The following SEM1 variants were observed in gnomAD, a reference collection of about 807,000 sequenced individuals.
The protein encoded by SEM1 is SEM1 26S proteasome subunit, also known as 26S proteasome complex subunit SEM1.
A neutral mutation model predicts 12.7 loss-of-function variants in SEM1; 3 were observed. The ratio of observed to expected loss-of-function variants is 0.24; its 90% CI spans 0.11 to 0.61. The LOEUF is 0.61. Ranked by LOEUF, SEM1 falls within the 20% of genes least tolerant of loss-of-function variation. The pLI is 0.88. For synonymous variants in SEM1, 30 were observed against 27.8 expected, an observed-to-expected ratio of 1.08 and a Z score of -0.25; for missense variants, 59 against 81.3, an observed-to-expected ratio of 0.73 and a Z score of 1.06.
At chr7:96,597,788 T>C (rs1393589301) in intron 2 of SEM1, among the ~76,000 whole-genome samples, 1 of 152,030 alleles carries the variant, frequency 6.6e-6, no homozygotes, top group Non-Finnish European at 1.5e-5. Flanking sequence ...CTCACTCTTG[T>C]ACCCAATCCA....
intron 2 of SEM1, among the ~76,000 whole-genome samples, chr7:96,676,744 C>A (rs1789458846): frequency 6.6e-6 from 1 of 152,148 alleles, no homozygotes; most frequent in Non-Finnish European, 1.5e-5. Flanking sequence ...TTTTACATCA[C>A]AAATTTATAC....
intron 2 of SEM1, among the ~76,000 whole-genome samples, chr7:96,693,790 G>GTGTGTGTA (rs1023821213): frequency 7.0e-4 from 102 of 145,542 alleles, no homozygotes; most frequent in African/African-American, 2.0e-3. Flanking sequence ...GTGTGTGTGT[G>GTGTGTGTA]TATATATATA....
chr7:96,538,996 C>T (rs1252676980), intron 2 of SEM1, among the ~76,000 whole-genome samples: 4 of 151,866 alleles, frequency 2.6e-5, no homozygotes, highest in Non-Finnish European at 5.9e-5. Context: ...CCCCTTAACA[C>T]TGCTACATAA....
intron 2 of SEM1, among the ~76,000 whole-genome samples, chr7:96,511,321 G>T (rs1043314617): frequency 9.9e-5 from 15 of 152,102 alleles, no homozygotes; most frequent in African/African-American, 3.6e-4. Context: ...CGAGTGGAGA[G>T]AAAATGACTG....
chr7:96,681,755 G>T (rs1789620154), intron 2 of SEM1, among the ~76,000 whole-genome samples: 1 of 152,006 alleles, frequency 6.6e-6, no homozygotes, highest in South Asian at 2.1e-4. Flanking sequence ...TATCTGTTTT[G>T]GTACCAGTAC....
At chr7:96,532,783 A>G (rs1050157619) in intron 2 of SEM1, among the ~76,000 whole-genome samples, 18 of 152,122 alleles carry the variant, frequency 1.2e-4, no homozygotes, top group East Asian at 3.9e-4. Flanking sequence ...AAAGCTTATT[A>G]CAGATACAGC....
chr7:96,523,410 T>A (rs1804347254), intron 2 of SEM1, among the ~76,000 whole-genome samples: 1 of 152,032 alleles, frequency 6.6e-6, no homozygotes, highest in Non-Finnish European at 1.5e-5. Context: ...ATATAAATAG[T>A]CACAGTTCAA....
chr7:96,673,628 C>A, exon 3 of SEM1: 1 of 643,294 alleles, frequency 1.6e-6, no homozygotes, highest in South Asian at 1.8e-5. Context: ...GCTGTAGCAC[C>A]ACCCCACTCC....
chr7:96,484,106 A>G, intron 3 of SEM1: 1 of 992,992 alleles, frequency 1.0e-6, no homozygotes, highest in Non-Finnish European at 1.4e-6. Flanking sequence ...TCCCCATTTT[A>G]GAGATGAGAA....
At chr7:96,659,043 G>A (rs1809279518) in intron 2 of SEM1, among the ~76,000 whole-genome samples, 2 of 152,110 alleles carry the variant, frequency 1.3e-5, no homozygotes, top group Admixed American at 1.3e-4. Flanking sequence ...CTTGGCAGAT[G>A]TCCATACCTG....
At chr7:96,655,405 T>C (rs1809144871) in intron 2 of SEM1, among the ~76,000 whole-genome samples, 1 of 152,112 alleles carries the variant, frequency 6.6e-6, no homozygotes, top group Admixed American at 6.5e-5. Context: ...TGAACAGCTC[T>C]ACTAAAGTAT....
intron 2 of SEM1, among the ~76,000 whole-genome samples, chr7:96,657,970 T>C (rs1432930077): frequency 6.6e-6 from 1 of 152,218 alleles, no homozygotes; most frequent in African/African-American, 2.4e-5. Flanking sequence ...AGCCACCTGC[T>C]GACAGGGTCT....
intron 2 of SEM1, among the ~76,000 whole-genome samples, chr7:96,593,761 C>T (rs548592946): frequency 7.9e-5 from 12 of 151,728 alleles, no homozygotes; most frequent in Non-Finnish European, 1.2e-4. Context: ...GAAAGAAGGT[C>T]GTTAGGAAAA....
chr7:96,651,401 A>G (rs2116453765), intron 2 of SEM1, among the ~76,000 whole-genome samples: 1 of 148,952 alleles, frequency 6.7e-6, no homozygotes, highest in Admixed American at 6.7e-5. Flanking sequence ...ATCAAATGCA[A>G]TTCACGTTAG....
chr7:96,686,488 A>G (rs1005556662), downstream of SEM1, among the ~76,000 whole-genome samples: 2 of 152,212 alleles, frequency 1.3e-5, no homozygotes, highest in African/African-American at 2.4e-5. Flanking sequence ...GTAATCTGAC[A>G]CTGTTAGGGT....
At chr7:96,554,426 A>C (rs1805408161) in intron 2 of SEM1, among the ~76,000 whole-genome samples, 1 of 138,728 alleles carries the variant, frequency 7.2e-6, no homozygotes, top group Non-Finnish European at 1.6e-5. Flanking sequence ...ATTTTGTCAA[A>C]GGCTTTTTCT....
chr7:96,483,966 G>C, exon 4 of SEM1: 1 of 1,530,848 alleles, frequency 6.5e-7, no homozygotes, highest in Non-Finnish European at 8.7e-7. Flanking sequence ...GGGCTCAGTG[G>C]AGCAGTGGAA....
chr7:96,557,671 G>A (rs1447477108), intron 2 of SEM1, among the ~76,000 whole-genome samples: 4 of 134,384 alleles, frequency 3.0e-5, no homozygotes, highest in Admixed American at 7.6e-5. Flanking sequence ...CCCCAGAGGT[G>A]GAGCCTACAG....
chr7:96,605,189 A>G (rs1413606977), intron 2 of SEM1, among the ~76,000 whole-genome samples: 1 of 152,162 alleles, frequency 6.6e-6, no homozygotes, highest in African/African-American at 2.4e-5. Flanking sequence ...TTAAAAGACA[A>G]TTAACCTAGT....
Sources: gnomAD v4.1 joint callset for allele counts (sites outside exome capture counted in the v4.1 genomes callset) on GRCh38, gnomAD v4.1.1 for gene constraint, MANE v1.5 for transcripts, NCBI Gene and HGNC (gene_info 2026-07-23, HGNC 2026-07-21) for gene names.